The following TPX2 variants were observed in gnomAD, a reference collection of about 807,000 sequenced individuals.
TPX2 encodes the protein targeting protein for Xklp2.
A neutral mutation model predicts 93.6 loss-of-function variants in TPX2; 21 were observed. The observed-to-expected ratio is 0.22, with a 90% confidence interval of 0.16 to 0.32. TPX2 has a LOEUF of 0.32. Among genes scored for constraint, TPX2 ranks in the 10% least tolerant of loss-of-function variants. The pLI, the probability that TPX2 is intolerant of heterozygous loss-of-function variation, is 1.00. For synonymous variants in TPX2, 281 were observed against 298.3 expected, an observed-to-expected ratio of 0.94 and a Z score of 0.60; for missense variants, 776 against 871.1, an observed-to-expected ratio of 0.89 and a Z score of 1.37.
chr20:31,772,971 CTTTTTTTTTTTTTTT>C (rs558541526), intron 7 of TPX2, among the ~76,000 whole-genome samples: 1 of 96,480 alleles, frequency 1.0e-5, no homozygotes, highest in East Asian at 2.8e-4. Flanking sequence ...GTGCCATCGG[CTTTTTTTTTTTTTTT>C]TTTTTTTTGA....
intron 11 of TPX2, 38 bp from the exon 12 acceptor site, chr20:31,783,667 A>C (rs2062048217): frequency 6.4e-7 from 1 of 1,571,150 alleles, no homozygotes; most frequent in Non-Finnish European, 8.6e-7. Flanking sequence ...CATTTTATTA[A>C]AATTTTTTTT....
At chr20:31,782,122 G>A in intron 10 of TPX2, 127 bp from the exon 11 acceptor site, 1 of 1,246,774 alleles carries the variant, frequency 8.0e-7, no homozygotes, top group Non-Finnish European at 1.1e-6. Context: ...TGTAAGCTGA[G>A]CTGACTGTTG....
At chr20:31,763,112 C>T (rs150746057) in intron 4 of TPX2, among the ~76,000 whole-genome samples, 25 of 152,214 alleles carry the variant, frequency 1.6e-4, no homozygotes, top group African/African-American at 6.0e-4. Flanking sequence ...AATTTGATGC[C>T]TTCAGCTTTG....
At chr20:31,786,793 G>T (rs6060947) in intron 12 of TPX2, among the ~76,000 whole-genome samples, 10,919 of 152,212 alleles carry the variant, frequency 0.072, 1,265 homozygotes, top group African/African-American at 0.25. Context: ...AAGTAGGGAA[G>T]GGTGACCAGA....
intron 2 of TPX2, among the ~76,000 whole-genome samples, chr20:31,753,334 T>C (rs2061831412): frequency 6.6e-6 from 1 of 152,224 alleles, no homozygotes; most frequent in Admixed American, 6.6e-5. Context: ...TCATTTAATC[T>C]TTCTGATCTT....
intron 7 of TPX2, among the ~76,000 whole-genome samples, chr20:31,773,711 T>TA (rs1361559923): frequency 2.6e-5 from 4 of 152,330 alleles, no homozygotes; most frequent in South Asian, 2.1e-4. Context: ...ATTATTATTT[T>TA]AAAAATTTAA....
intron 3 of TPX2, among the ~76,000 whole-genome samples, chr20:31,759,301 T>C (rs1265600791): frequency 6.6e-6 from 1 of 152,002 alleles, no homozygotes; most frequent in African/African-American, 2.4e-5. Flanking sequence ...ACACACCCCT[T>C]ATTCCTCCCA....
chr20:31,750,401 G>A (rs1403925111), intron 2 of TPX2, among the ~76,000 whole-genome samples: 3 of 152,018 alleles, frequency 2.0e-5, no homozygotes, highest in African/African-American at 4.8e-5. Context: ...CGATCCGCCC[G>A]CCTTGGCCTC....
chr20:31,776,532 T>C, intron 8 of TPX2, among the ~76,000 whole-genome samples: 1 of 152,090 alleles, frequency 6.6e-6, no homozygotes. Flanking sequence ...TCTTTCTTTT[T>C]TTTTTTTTCT....
chr20:31,761,555 C>T (rs1034633193), intron 4 of TPX2, among the ~76,000 whole-genome samples: 30 of 152,318 alleles, frequency 2.0e-4, no homozygotes, highest in African/African-American at 7.2e-4. Context: ...CCTTCAGGTT[C>T]ATCCATGTTG....
intron 4 of TPX2, among the ~76,000 whole-genome samples, chr20:31,764,139 C>T (rs765918967): frequency 3.4e-5 from 5 of 148,568 alleles, no homozygotes; most frequent in Non-Finnish European, 7.5e-5. Context: ...TGTACATATA[C>T]ATGTATGTGT....
chr20:31,776,050 G>GTTTTTTTTTTTTTTTTTTTTT lies in TPX2; in HGVS notation c.730+83_730+103dup, dbSNP rs10528470. 4 of 325,990 alleles carry GTTTTTTTTTTTTTTTTTTTTT rather than the reference G, an allele frequency of 1.2e-5. 2 individuals are homozygous for GTTTTTTTTTTTTTTTTTTTTT. Among genetic ancestry groups the GTTTTTTTTTTTTTTTTTTTTT allele is most frequent in the Non-Finnish European group, 1.6e-5 (4 of 244,784 alleles). The allele number at this position is 325,990 out of a possible 1,614,324, so 20.2% of individuals were successfully genotyped here. On this transcript the variant is annotated intron_variant, in intron 8 of 17. Transcript: ENST00000300403. ...GTGGTTCTTAACACTCTTGGTAGGT[G>GTTTTTTTTTTTTTTTTTTTTT]TTTTTTTTTTTTTTTTTTTTTTTTT...
At chr20:31,754,112 T>C (rs759039905) in intron 2 of TPX2, among the ~76,000 whole-genome samples, 3 of 152,042 alleles carry the variant, frequency 2.0e-5, no homozygotes, top group Non-Finnish European at 4.4e-5. Flanking sequence ...ATTTATTTTA[T>C]TTTTTGAGAC....
chr20:31,742,893 G>A (rs1006981859), intron 2 of TPX2, among the ~76,000 whole-genome samples: 23 of 152,058 alleles, frequency 1.5e-4, no homozygotes, highest in Admixed American at 9.8e-4. Flanking sequence ...ATGGGGAATT[G>A]GTTCTAAGAC....
intron 4 of TPX2, among the ~76,000 whole-genome samples, chr20:31,760,467 G>T (rs2061882683): frequency 6.6e-6 from 1 of 151,636 alleles, no homozygotes; most frequent in African/African-American, 2.4e-5. Context: ...GCTCACTGCA[G>T]CCTCAAACTC....
At chr20:31,758,733 G>A (rs2061867897) in intron 3 of TPX2, among the ~76,000 whole-genome samples, 1 of 152,142 alleles carries the variant, frequency 6.6e-6, no homozygotes. Context: ...ATCTAGTGGG[G>A]ATCCTGAGAG....
chr20:31,799,343 T>C (rs2062156175), intron 17 of TPX2, among the ~76,000 whole-genome samples: 1 of 152,148 alleles, frequency 6.6e-6, no homozygotes, highest in Admixed American at 6.5e-5. Context: ...TACAGTTAGA[T>C]GGGAGGAGTA....
At chr20:31,748,177 A>G (rs993321528) in intron 2 of TPX2, among the ~76,000 whole-genome samples, 4 of 152,154 alleles carry the variant, frequency 2.6e-5, no homozygotes, top group Non-Finnish European at 5.9e-5. Flanking sequence ...TTTTTAAAGA[A>G]CAGGTCATGT....
chr20:31,800,174 C>T (rs1022114979), intron 17 of TPX2, among the ~76,000 whole-genome samples: 3 of 152,164 alleles, frequency 2.0e-5, no homozygotes, highest in African/African-American at 7.2e-5. Flanking sequence ...GAAGGTTCCA[C>T]GGACACACTA....
Sources: gnomAD v4.1 joint callset for allele counts (sites outside exome capture counted in the v4.1 genomes callset) on GRCh38, gnomAD v4.1.1 for gene constraint, MANE v1.5 for transcripts, NCBI Gene and HGNC (gene_info 2026-07-23, HGNC 2026-07-21) for gene names.